EML1: variants seen among roughly 807,000 people sequenced by gnomAD.
EML1 encodes EMAP like 1.
A neutral mutation model predicts 110.4 loss-of-function variants in EML1; 27 were observed. The ratio of observed to expected loss-of-function variants is 0.24; its 90% CI spans 0.18 to 0.34. The LOEUF is 0.34. Among genes scored for constraint, EML1 ranks in the 10% least tolerant of loss-of-function variants. EML1 has a pLI of 1.00. For missense variants in EML1, 741 were observed against 1,030.9 expected, an observed-to-expected ratio of 0.72 and a Z score of 3.85; for synonymous variants, 344 against 385.8, an observed-to-expected ratio of 0.89 and a Z score of 1.27.
chr14:99,738,532 G>T (rs974981261), intron 1 of EML1, among the ~76,000 whole-genome samples: 4 of 152,182 alleles, frequency 2.6e-5, no homozygotes, highest in African/African-American at 9.6e-5. Context: ...ATGGGGGCTG[G>T]GGACGGCCAA....
At chr14:99,859,076 C>T (rs2139858802) in intron 2 of EML1, among the ~76,000 whole-genome samples, 1 of 152,274 alleles carries the variant, frequency 6.6e-6, no homozygotes, top group South Asian at 2.1e-4. Context: ...TTATTCATAT[C>T]AACTGTAGTT....
chr14:99,764,981 A>G (rs527352538), intron 1 of EML1, among the ~76,000 whole-genome samples: 1 of 152,228 alleles, frequency 6.6e-6, no homozygotes, highest in Admixed American at 6.5e-5. Context: ...TCTGTTGCCC[A>G]AGCTGGAGCG....
chr14:99,812,557 C>T (rs1566877985), intron 1 of EML1, among the ~76,000 whole-genome samples: 1 of 151,612 alleles, frequency 6.6e-6, no homozygotes, highest in Non-Finnish European at 1.5e-5. Flanking sequence ...CATGCATTGT[C>T]CCACGGCCCT....
upstream of EML1, among the ~76,000 whole-genome samples, chr14:99,791,276 G>C (rs2057667456): frequency 6.6e-6 from 1 of 152,204 alleles, no homozygotes; most frequent in Non-Finnish European, 1.5e-5. Context: ...CCAGACAGAA[G>C]AGCCTCACCC....
intron 1 of EML1, among the ~76,000 whole-genome samples, chr14:99,816,832 C>T (rs183042136): frequency 6.6e-5 from 10 of 152,298 alleles, no homozygotes; most frequent in Admixed American, 3.9e-4. Context: ...CACTTTGGCA[C>T]GTAGGTTAGC....
At chr14:99,745,613 C>T (rs10438231) in intron 1 of EML1, among the ~76,000 whole-genome samples, 114,257 of 152,126 alleles carry the variant, frequency 0.75, 44,742 homozygotes, top group South Asian at 0.87. Flanking sequence ...AGAATTGGAC[C>T]TGATACTGCT....
chr14:99,921,020 A>T (rs1335257769), intron 17 of EML1, 143 bp downstream of exon 17: 1 of 690,932 alleles, frequency 1.4e-6, no homozygotes, highest in Non-Finnish European at 2.3e-6. Context: ...CCCATCACCC[A>T]CGTATTAAGC....
chr14:99,806,812 T>C (rs2057984732), intron 1 of EML1, among the ~76,000 whole-genome samples: 1 of 151,958 alleles, frequency 6.6e-6, no homozygotes, highest in Admixed American at 6.5e-5. Context: ...CTTTTAGGAA[T>C]GGAGAGCTGG....
At position 99,936,994 on chromosome 14, in the gene EML1, G is replaced by T. The variant is rs868180484; in HGVS notation, c.2095+660G>T. Among the ~76,000 whole-genome samples, 4 of 152,216 alleles carry T rather than the reference G, an allele frequency of 2.6e-5. No homozygotes were observed. Among genetic ancestry groups the T allele is most frequent in the African/African-American group, 9.6e-5 (4 of 41,454 alleles). On this transcript the variant is annotated intron_variant, in intron 19 of 21. Transcript: ENST00000262233. The surrounding 1 kb of genome is among the most constrained non-coding windows in gnomAD (Gnocchi z 5.5). Reference sequence around the variant, plus strand: ...CCCCTGCTGGAAGTTACTGGAAAGCGCAGCGCTCCTCCTCTGCGTCTTCTC... The same window carrying T: ...CCCCTGCTGGAAGTTACTGGAAAGCTCAGCGCTCCTCCTCTGCGTCTTCTC...
intron 1 of EML1, among the ~76,000 whole-genome samples, chr14:99,834,057 C>G (rs2058501556): frequency 6.6e-6 from 1 of 151,828 alleles, no homozygotes; most frequent in Non-Finnish European, 1.5e-5. Context: ...CTATAGACAC[C>G]CTTCATCAGA....
At chr14:99,751,838 A>G (rs2057179150) in intron 1 of EML1, among the ~76,000 whole-genome samples, 1 of 152,134 alleles carries the variant, frequency 6.6e-6, no homozygotes, top group South Asian at 2.1e-4. Context: ...GAAGACCCAC[A>G]GGGGTCTATC....
upstream of EML1, among the ~76,000 whole-genome samples, chr14:99,769,089 G>T (rs896121938): frequency 1.3e-5 from 2 of 152,066 alleles, no homozygotes; most frequent in Non-Finnish European, 2.9e-5. Context: ...TGGTGGTTTC[G>T]ATGTGGGTTT....
intron 17 of EML1, among the ~76,000 whole-genome samples, chr14:99,935,211 C>T (rs539594650): frequency 1.3e-5 from 2 of 152,350 alleles, no homozygotes; most frequent in East Asian, 3.9e-4. Flanking sequence ...CAGTGGCTCA[C>T]TCCTGTAATC....
chr14:99,763,023 G>A (rs974179458), intron 1 of EML1, among the ~76,000 whole-genome samples: 2 of 152,138 alleles, frequency 1.3e-5, no homozygotes, highest in African/African-American at 2.4e-5. Context: ...GGAGGCAATT[G>A]AATCATGGGG....
At chr14:99,773,901 G>C (rs898739006) in exon 1 of EML1, 1 of 152,308 alleles carries the variant, frequency 6.6e-6, no homozygotes, top group African/African-American at 2.4e-5. Flanking sequence ...GGATACCGGC[G>C]CTCTGCTCGT....
Position 99,781,829 on chromosome 14 carries a change from G to A in EML1, c.-27+7816G>A, listed in dbSNP as rs1423345406. Among the ~76,000 whole-genome samples the A allele has an allele frequency of 6.6e-6, 1 of 152,080 alleles. No individual in the cohort carries two copies. Among genetic ancestry groups the A allele is most frequent in the Non-Finnish European group, 1.5e-5 (1 of 68,016 alleles). ...AGTATGCATTTCTAGCCTCTTTCCCGCCTCCTCTCCATACCTCTCATCTCC... is the reference window on the plus strand; with the variant it reads ...AGTATGCATTTCTAGCCTCTTTCCCACCTCCTCTCCATACCTCTCATCTCC... On this transcript the variant is annotated intron_variant, in intron 1 of 22. Transcript: ENST00000327921. This position sits in a 1 kb window ranked among gnomAD's most constrained non-coding sequence, Gnocchi z 4.2.
At chr14:99,775,163 G>T (rs545333835) in intron 1 of EML1, among the ~76,000 whole-genome samples, 1 of 152,230 alleles carries the variant, frequency 6.6e-6, no homozygotes, top group African/African-American at 2.4e-5. Context: ...AGTTACAGGA[G>T]CCTTGAAATA....
chr14:99,934,111 G>A (rs2060424046), intron 17 of EML1, among the ~76,000 whole-genome samples: 1 of 152,114 alleles, frequency 6.6e-6, no homozygotes, highest in South Asian at 2.1e-4. Flanking sequence ...AAAACATATT[G>A]TCCATTTAAT....
At chr14:99,862,375 G>A (rs761854127) in intron 2 of EML1, among the ~76,000 whole-genome samples, 4 of 152,146 alleles carry the variant, frequency 2.6e-5, no homozygotes, top group East Asian at 1.9e-4. Flanking sequence ...CCCCAACTTC[G>A]TCATGTGGCT....
Sources: allele counts gnomAD v4.1 joint callset (sites outside exome capture counted in the v4.1 genomes callset), GRCh38; gene constraint gnomAD v4.1.1; non-coding constraint Gnocchi (gnomAD v3.1); transcripts MANE v1.5; gene names NCBI Gene and HGNC (gene_info 2026-07-23, HGNC 2026-07-21).